The following DYSF variants were observed in gnomAD, a reference collection of about 807,000 sequenced individuals.
DYSF encodes dysferlin.
DYSF carries 212 observed loss-of-function variants against 274.9 expected under a neutral mutation model. The ratio of observed to expected loss-of-function variants is 0.77; its 90% CI spans 0.69 to 0.86. DYSF has a LOEUF of 0.86. DYSF is among the 40% of genes least tolerant of loss of function. The probability of loss-of-function intolerance (pLI) is 0.00; values close to 1 mark genes in which losing one functional copy is unlikely to be tolerated. For synonymous variants in DYSF, 1,091 were observed against 1,078.7 expected (o/e 1.01, Z -0.22); for missense variants, 2,666 against 2,783.2 (o/e 0.96, Z 0.95).
intron 41 of DYSF, among the ~76,000 whole-genome samples, chr2:71,622,316 CTCTT>C (rs1166504223): frequency 6.6e-6 from 1 of 151,988 alleles, no homozygotes; most frequent in Non-Finnish European, 1.5e-5. Context: ...TTGGAACTGA[CTCTT>C]TATTAAGGCC....
intron 40 of DYSF, among the ~76,000 whole-genome samples, chr2:71,617,698 G>A (rs1206457525): frequency 4.0e-5 from 5 of 125,698 alleles, no homozygotes; most frequent in Admixed American, 1.7e-4. Flanking sequence ...GGGTGTGTGC[G>A]TGTGTGGTAG....
intron 30 of DYSF, among the ~76,000 whole-genome samples, chr2:71,578,310 G>GAGAGGC (rs933794992): frequency 9.9e-5 from 15 of 152,180 alleles, no homozygotes; most frequent in Non-Finnish European, 1.6e-4. Flanking sequence ...GCCCTTCTGA[G>GAGAGGC]AGAGGCAGAG....
chr2:71,595,133 A>G (rs1370019670), intron 32 of DYSF, among the ~76,000 whole-genome samples: 1 of 152,246 alleles, frequency 6.6e-6, no homozygotes, highest in Non-Finnish European at 1.5e-5. Flanking sequence ...TTTTCAGGGC[A>G]TAGTGCCCAA....
intron 3 of DYSF, among the ~76,000 whole-genome samples, chr2:71,501,721 G>A (rs969665061): frequency 3.3e-5 from 5 of 152,184 alleles, no homozygotes; most frequent in African/African-American, 7.2e-5. Context: ...CCATGTTGTA[G>A]CATGTGTCTG....
chr2:71,594,970 G>A (rs2093366156), intron 32 of DYSF, among the ~76,000 whole-genome samples: 1 of 152,212 alleles, frequency 6.6e-6, no homozygotes, highest in Non-Finnish European at 1.5e-5. Context: ...CTAGCACTGT[G>A]CTAACCTCCC....
chr2:71,521,174 C>T (rs1289952838), intron 12 of DYSF, among the ~76,000 whole-genome samples: 2 of 152,170 alleles, frequency 1.3e-5, no homozygotes, highest in African/African-American at 4.8e-5. Flanking sequence ...GATATATGCA[C>T]ATATTTTCTT....
chr2:71,652,716 C>T (rs886871302), intron 42 of DYSF, among the ~76,000 whole-genome samples: 1 of 152,152 alleles, frequency 6.6e-6, no homozygotes, highest in Non-Finnish European at 1.5e-5. Flanking sequence ...TTTAAAATTT[C>T]ATCTGGAAGA....
At chr2:71,516,412 C>G (rs559173247) in intron 9 of DYSF, among the ~76,000 whole-genome samples, 170 bp downstream of exon 9, 1 of 152,134 alleles carries the variant, frequency 6.6e-6, no homozygotes, top group African/African-American at 2.4e-5. Context: ...GAGAGGGAGA[C>G]GTGTTAAAGC....
rs2095290826 is a variant in DYSF at position 71,681,113 on chromosome 2, C to T, written c.6173+3C>T. The T allele has an allele frequency of 6.2e-7, 1 of 1,613,602 alleles. No homozygotes were observed. The highest frequency in any genetic ancestry group is 2.2e-5 in the East Asian group (1 of 44,874). ...AACCCTAAGCTTGAGGACCCAAGGT[C>T]AGTGCCCAGCCCCTGAGCCCCAATG... On this transcript the variant is annotated splice_donor_region_variant and intron_variant, in intron 54 of 55. Transcript: ENST00000410020.
chr2:71,646,257 G>C (rs964167728), intron 42 of DYSF, among the ~76,000 whole-genome samples: 2 of 152,238 alleles, frequency 1.3e-5, no homozygotes, highest in Non-Finnish European at 2.9e-5. Flanking sequence ...CTGTGGCCTT[G>C]CCAAAAAGTC....
chr2:71,686,742 G>A lies in DYSF; in HGVS notation c.*250G>A, dbSNP rs1475748993. 2 of 472,752 alleles carry A rather than the reference G, an allele frequency of 4.2e-6. No homozygotes were observed. Among genetic ancestry groups the A allele is most frequent in the East Asian group, 4.1e-5 (1 of 24,168 alleles). 29.3% of individuals were successfully genotyped at this position (472,752 alleles called of 1,614,324 possible). ...TTTGGATCAGCTCAGACATATTTCA[G>A]TATAAAACAGTTGGAACCACACAGC... On this transcript the variant is annotated 3_prime_UTR_variant, in exon 56 of 56. Transcript: ENST00000410020.
At position 71,600,723 on chromosome 2, in the gene DYSF, C is replaced by T. The variant is rs369170272; in HGVS notation, c.3778C>T (p.Arg1260Cys). ...DTYGADEFMG[R>C]CICQPSLERM... ...CTAGGGTGCAGACGAGTTTATGGGT[C>T]GCTGCATCTGTCAACCGAGTCTGGA... is the stretch of plus-strand genomic sequence containing the variant. Residue 1260 changes from arginine (R) to cysteine (C), a missense_variant, in exon 34 of 56, where the codon CGC (arginine) becomes TGC (cysteine). Coordinates refer to ENST00000410020, the MANE Select transcript of DYSF (RefSeq NM_001130987.2). The T allele has an allele frequency of 8.8e-5, 142 of 1,613,952 alleles. No homozygotes were observed. The highest frequency in any genetic ancestry group is 2.3e-4 in the African/African-American group (17 of 74,932).
rs745472489 is a variant in DYSF at position 71,553,026 on chromosome 2, C to T, written c.1822C>T (p.Arg608Cys). Reference sequence around the variant, plus strand: ...CTGCTCTCAGAAGTACCTTAGGAGGCGCAAGTACTCCCTGTTTGCGGCCTT... The same window carrying T: ...CTGCTCTCAGAAGTACCTTAGGAGGTGCAAGTACTCCCTGTTTGCGGCCTT... ...ILRVEKYLRR[R>C]KYSLFAAFYS... Residue 608 changes from arginine to cysteine, a missense_variant, in exon 20 of 56, where the codon CGC becomes TGC. By Grantham distance (180) the Arg-to-Cys change is radical (BLOSUM62 -3). Around this residue, in one of 3 missense-constraint regions of DYSF, gnomAD observed 412 missense variants for 504.0 expected, o/e 0.82. Coordinates refer to ENST00000410020, the MANE Select transcript of DYSF (RefSeq NM_001130987.2). The T allele has an allele frequency of 2.2e-5, 36 of 1,614,144 alleles. No individual in the cohort carries two copies. The highest frequency in any genetic ancestry group is 4.0e-5 in the African/African-American group (3 of 75,040).
chr2:71,537,544 C>T (rs2089506973), intron 16 of DYSF, among the ~76,000 whole-genome samples: 1 of 152,172 alleles, frequency 6.6e-6, no homozygotes, highest in Non-Finnish European at 1.5e-5. Flanking sequence ...CCGCACCCTG[C>T]TTTTCAGTTC....
At chr2:71,620,671 G>GTTTT in intron 41 of DYSF, 62 bp downstream of exon 41, 6 of 1,485,198 alleles carry the variant, frequency 4.0e-6, no homozygotes, top group South Asian at 1.2e-5. Context: ...GGGGTAGGGG[G>GTTTT]GTTAGGAGGG....
chr2:71,614,715 T>A (rs1232497291), intron 40 of DYSF, among the ~76,000 whole-genome samples: 1 of 152,130 alleles, frequency 6.6e-6, no homozygotes, highest in Non-Finnish European at 1.5e-5. Flanking sequence ...GCACAAGGCC[T>A]CGCTTAGCGG....
chr2:71,586,708 A>G (rs950608365), intron 30 of DYSF, among the ~76,000 whole-genome samples: 2 of 151,964 alleles, frequency 1.3e-5, no homozygotes, highest in African/African-American at 4.8e-5. Context: ...GGGGCCATCT[A>G]GAGGAGGTGC....
chr2:71,664,956 T>G (rs1033805121), intron 46 of DYSF, among the ~76,000 whole-genome samples: 25 of 152,238 alleles, frequency 1.6e-4, no homozygotes, highest in African/African-American at 5.5e-4. Flanking sequence ...ATTCCGTACT[T>G]AAATGAGTCC....
chr2:71,531,440 T>G (rs1241732273), intron 14 of DYSF, among the ~76,000 whole-genome samples: 1 of 152,006 alleles, frequency 6.6e-6, no homozygotes, highest in Non-Finnish European at 1.5e-5. Flanking sequence ...GTATGTTGGT[T>G]GCTGAGGTTG....
Sources: gnomAD v4.1 joint callset for allele counts (sites outside exome capture counted in the v4.1 genomes callset) on GRCh38, gnomAD v4.1.1 for gene constraint, gnomAD v4.1.1 regional missense constraint, MANE v1.5 for transcripts, NCBI Gene and HGNC (gene_info 2026-07-23, HGNC 2026-07-21) for gene names.